CRY1: variants seen among roughly 807,000 people sequenced by gnomAD.
The protein encoded by CRY1 is cryptochrome circadian regulator 1, also known as cryptochrome-1.
CRY1 carries 45 observed loss-of-function variants against 76.0 expected under a neutral mutation model. That is an observed-to-expected ratio of 0.59 (90% CI 0.47 to 0.76). The LOEUF (loss-of-function observed/expected upper bound fraction) is 0.76, where lower values mean the gene tolerates loss of function less well. Ranked by LOEUF, CRY1 falls within the 30% of genes least tolerant of loss-of-function variation. The pLI, the probability that CRY1 is intolerant of heterozygous loss-of-function variation, is 0.00. For missense variants in CRY1, 587 were observed against 716.4 expected, an observed-to-expected ratio of 0.82 and a Z score of 2.06; for synonymous variants, 248 against 244.0, an observed-to-expected ratio of 1.02 and a Z score of -0.15.
intron 1 of CRY1, among the ~76,000 whole-genome samples, chr12:107,038,305 T>C (rs146466226): frequency 1.3e-5 from 2 of 152,242 alleles, no homozygotes; most frequent in African/African-American, 4.8e-5. Flanking sequence ...GTCTTAAGAC[T>C]AGATGAAGGA....
intron 1 of CRY1, among the ~76,000 whole-genome samples, chr12:107,059,934 G>C (rs1190029864): frequency 6.6e-6 from 1 of 152,052 alleles, no homozygotes; most frequent in Non-Finnish European, 1.5e-5. Context: ...AAATAATACT[G>C]TTTTTAATAA....
intron 3 of CRY1, among the ~76,000 whole-genome samples, chr12:107,004,688 T>C (rs1952350010): frequency 6.6e-6 from 1 of 152,146 alleles, no homozygotes; most frequent in African/African-American, 2.4e-5. Context: ...ACATAATAGA[T>C]ATACATGAAA....
At chr12:107,066,085 G>A (rs1278316909) in intron 1 of CRY1, among the ~76,000 whole-genome samples, 2 of 152,156 alleles carry the variant, frequency 1.3e-5, no homozygotes, top group Non-Finnish European at 2.9e-5. Flanking sequence ...GTTTTTACTA[G>A]GAATAAAGTG....
At chr12:107,069,490 T>C (rs1280089897) in intron 1 of CRY1, among the ~76,000 whole-genome samples, 1 of 147,480 alleles carries the variant, frequency 6.8e-6, no homozygotes, top group African/African-American at 2.5e-5. Context: ...ACTAATGGTG[T>C]TGAACATCTT....
At chr12:107,031,304 G>C (rs1565831031) in intron 1 of CRY1, among the ~76,000 whole-genome samples, 1 of 151,770 alleles carries the variant, frequency 6.6e-6, no homozygotes, top group Non-Finnish European at 1.5e-5. Flanking sequence ...CCCAAAGTAA[G>C]GAAGCTAATA....
intron 1 of CRY1, among the ~76,000 whole-genome samples, chr12:107,054,608 T>C (rs1224039594): frequency 1.4e-5 from 2 of 147,488 alleles, no homozygotes; most frequent in African/African-American, 5.0e-5. Flanking sequence ...AAAGTTAATA[T>C]ATGCTATTTA....
At chr12:107,088,290 C>T (rs1953427709) in intron 1 of CRY1, among the ~76,000 whole-genome samples, 1 of 152,084 alleles carries the variant, frequency 6.6e-6, no homozygotes, top group African/African-American at 2.4e-5. Context: ...GGTATCCCTC[C>T]CCTCTCTCTC....
intron 1 of CRY1, among the ~76,000 whole-genome samples, chr12:107,028,533 T>C (rs1289475962): frequency 6.6e-6 from 1 of 152,180 alleles, no homozygotes; most frequent in Non-Finnish European, 1.5e-5. Flanking sequence ...AAGACCTAGA[T>C]AATATAACAT....
At chr12:107,052,147 G>T (rs375917131) in intron 1 of CRY1, among the ~76,000 whole-genome samples, 3 of 151,404 alleles carry the variant, frequency 2.0e-5, no homozygotes, top group East Asian at 3.9e-4. Flanking sequence ...ACAAGAAAAA[G>T]AAAATCAAGA....
chr12:107,083,364 T>C (rs947090925), intron 1 of CRY1, among the ~76,000 whole-genome samples: 4 of 152,164 alleles, frequency 2.6e-5, no homozygotes, highest in African/African-American at 9.7e-5. Context: ...ATCATTCTGA[T>C]ACCAAAACCT....
intron 7 of CRY1, among the ~76,000 whole-genome samples, chr12:106,999,239 G>T (rs574963860): frequency 6.6e-6 from 1 of 151,786 alleles, no homozygotes; most frequent in Non-Finnish European, 1.5e-5. Flanking sequence ...AATTCTTTTC[G>T]TGATAGAAAT....
chr12:107,081,593 A>C (rs1486037980), intron 1 of CRY1, among the ~76,000 whole-genome samples: 1 of 152,108 alleles, frequency 6.6e-6, no homozygotes, highest in Admixed American at 6.6e-5. Flanking sequence ...ACCCAGCATC[A>C]ATAATACTGC....
chr12:107,070,378 T>C (rs1156439691), intron 1 of CRY1, among the ~76,000 whole-genome samples: 1 of 152,136 alleles, frequency 6.6e-6, no homozygotes, highest in Non-Finnish European at 1.5e-5. Context: ...TACAACACAA[T>C]AGCATTTATG....
chr12:107,034,730 TA>T (rs1952714413), intron 1 of CRY1, among the ~76,000 whole-genome samples: 1 of 151,992 alleles, frequency 6.6e-6, no homozygotes, highest in Non-Finnish European at 1.5e-5. Flanking sequence ...GAGGAAGAAA[TA>T]AAAGGCATAA....
At chr12:107,015,348 T>C (rs2136838387) in intron 2 of CRY1, among the ~76,000 whole-genome samples, 2 of 152,022 alleles carry the variant, frequency 1.3e-5, no homozygotes, top group East Asian at 3.9e-4. Flanking sequence ...TCTACTCTTT[T>C]TTTTTTTTTG....
chr12:107,063,608 G>GT (rs1398737998), intron 1 of CRY1, among the ~76,000 whole-genome samples: 5 of 151,830 alleles, frequency 3.3e-5, no homozygotes, highest in Non-Finnish European at 5.9e-5. Flanking sequence ...TTTTTTGTTT[G>GT]TTTTTTGAGA....
intron 1 of CRY1, among the ~76,000 whole-genome samples, chr12:107,066,208 T>C (rs1239710338): frequency 6.6e-6 from 1 of 152,212 alleles, no homozygotes; most frequent in Non-Finnish European, 1.5e-5. Context: ...AACTTTACAG[T>C]TCAGTAAAAT....
intron 5 of CRY1, 67 bp downstream of exon 5, chr12:107,001,213 A>G (rs1027771852): frequency 1.7e-6 from 2 of 1,188,074 alleles, no homozygotes; most frequent in East Asian, 2.4e-5. Context: ...TTTAAAAGAG[A>G]GAAAAATTAT....
At chr12:107,069,234 T>G (rs895876549) in intron 1 of CRY1, among the ~76,000 whole-genome samples, 5 of 151,440 alleles carry the variant, frequency 3.3e-5, no homozygotes, top group East Asian at 1.9e-4. Flanking sequence ...AAATTTTTTT[T>G]TTTTTTTTGA....
Sources: gnomAD v4.1 joint callset for allele counts (sites outside exome capture counted in the v4.1 genomes callset) on GRCh38, gnomAD v4.1.1 for gene constraint, MANE v1.5 for transcripts, NCBI Gene and HGNC (gene_info 2026-07-23, HGNC 2026-07-21) for gene names.